The following PPM1L variants were observed in gnomAD, a reference collection of about 807,000 sequenced individuals.
PPM1L encodes the protein protein phosphatase 1L.
PPM1L carries 13 observed loss-of-function variants against 31.4 expected under a neutral mutation model. The observed-to-expected ratio is 0.41, with a 90% CI of 0.27 to 0.66. The LOEUF is 0.66. PPM1L is among the 30% of genes least tolerant of loss of function. The probability of loss-of-function intolerance (pLI) is 0.29; values close to 1 mark genes in which losing one functional copy is unlikely to be tolerated. For synonymous variants in PPM1L, 184 were observed against 175.4 expected, an observed-to-expected ratio of 1.05 and a Z score of -0.39; for missense variants, 326 against 453.7, an observed-to-expected ratio of 0.72 and a Z score of 2.56.
At chr3:160,922,798 C>T (rs1714459359) in intron 1 of PPM1L, among the ~76,000 whole-genome samples, 1 of 152,082 alleles carries the variant, frequency 6.6e-6, no homozygotes. Flanking sequence ...TTTTAAGGAA[C>T]CATCTATATG....
intron 1 of PPM1L, among the ~76,000 whole-genome samples, chr3:160,862,365 T>C (rs1161060592): frequency 6.6e-6 from 1 of 152,128 alleles, no homozygotes; most frequent in African/African-American, 2.4e-5. Context: ...GCTGTGCACA[T>C]TAGTCCCTTT....
chr3:160,793,268 C>T (rs1560108483), intron 1 of PPM1L, among the ~76,000 whole-genome samples: 2 of 152,110 alleles, frequency 1.3e-5, no homozygotes, highest in South Asian at 2.1e-4. Flanking sequence ...TGATTTAAAA[C>T]TTATATATTA....
intron 1 of PPM1L, among the ~76,000 whole-genome samples, chr3:160,768,643 C>T (rs1038624801): frequency 2.6e-5 from 4 of 152,094 alleles, no homozygotes; most frequent in Non-Finnish European, 5.9e-5. Flanking sequence ...TGTCCTCTTA[C>T]AGATCGGTTG....
chr3:160,977,983 T>C (rs188730796), intron 2 of PPM1L, among the ~76,000 whole-genome samples: 1 of 152,258 alleles, frequency 6.6e-6, no homozygotes, highest in East Asian at 1.9e-4. Context: ...TCCTCAAATG[T>C]AGAGCCTGAA....
Position 161,078,645 on chromosome 3 carries a change from T to C in PPM1L, c.*9488T>C, listed in dbSNP as rs1198319861. The C allele has an allele frequency of 1.3e-5, 2 of 152,224 alleles. No individual in the cohort carries two copies. The highest frequency in any genetic ancestry group is 2.4e-5 in the African/African-American group (1 of 41,456). 9.4% of individuals were successfully genotyped at this position (152,224 alleles called of 1,614,324 possible). ...ATCTGTATTTGTCTCTAAGAGACAT[T>C]TGAAACACAGTTACAATGTCAATTT... is the stretch of plus-strand genomic sequence containing the variant. On this transcript the variant is annotated 3_prime_UTR_variant, in exon 4 of 4. Transcript: ENST00000498165.
chr3:161,012,364 A>C (rs1445881443), intron 2 of PPM1L, among the ~76,000 whole-genome samples: 4 of 152,158 alleles, frequency 2.6e-5, no homozygotes, highest in Non-Finnish European at 4.4e-5. Context: ...CCCAGGGATG[A>C]AGCCCACTTG....
chr3:160,918,659 C>T (rs991465654), intron 1 of PPM1L, among the ~76,000 whole-genome samples: 4 of 152,040 alleles, frequency 2.6e-5, no homozygotes, highest in African/African-American at 9.7e-5. Flanking sequence ...ATTGAATATG[C>T]TATATTTCTA....
chr3:161,030,023 C>A (rs1246052446), intron 2 of PPM1L, among the ~76,000 whole-genome samples: 1 of 152,196 alleles, frequency 6.6e-6, no homozygotes, highest in African/African-American at 2.4e-5. Context: ...CTCATGCCTG[C>A]AGATACCGTG....
rs202070902 is a variant in PPM1L at position 160,835,039 on chromosome 3, A to T, written c.399+78332A>T. Among the ~76,000 whole-genome samples the T allele has an allele frequency of 9.4e-3, 1,233 of 131,802 alleles. 19 individuals are homozygous for T. The highest frequency in any genetic ancestry group is 0.025 in the African/African-American group (822 of 32,236). The allele number at this position is 131,802 out of a possible 152,430, so 86.5% of individuals were successfully genotyped here. A position where few individuals can be genotyped will look rare whatever the true frequency, so the allele number is the denominator to read the frequency against. On this transcript the variant is annotated intron_variant, in intron 1 of 3. Coordinates refer to ENST00000498165, the MANE Select transcript of PPM1L (RefSeq NM_139245.4). ...TACTACTACTACTATTACTACTACTACTTCTTCTTCTTCTTCTTCTTCTTC... is the reference window on the plus strand; with the variant it reads ...TACTACTACTACTATTACTACTACTTCTTCTTCTTCTTCTTCTTCTTCTTC...
In PPM1L at chr3:160,836,616, T is replaced by C. The variant is rs151089082; in HGVS notation, c.399+79909T>C. ...TTACTCATGGCGGAGCCAGCACTCA[T>C]CCCCCTCCCCCATCTAGGTCCCTGT... On this transcript the variant is annotated intron_variant, in intron 1 of 3. Coordinates refer to ENST00000498165, the MANE Select transcript of PPM1L (RefSeq NM_139245.4). 3.8e-4 allele frequency among the ~76,000 whole-genome samples: 58 copies of C among 152,314 alleles called. No homozygotes were observed. The East Asian group carries it at 9.5e-3, about 25-fold the overall frequency.
chr3:160,958,005 G>A (rs1715837014), intron 1 of PPM1L, among the ~76,000 whole-genome samples: 2 of 152,080 alleles, frequency 1.3e-5, no homozygotes, highest in African/African-American at 4.8e-5. Flanking sequence ...TTTTTATGGG[G>A]TTGTCTTTTT....
chr3:160,830,223 C>G (rs1183724946), intron 1 of PPM1L, among the ~76,000 whole-genome samples: 1 of 152,166 alleles, frequency 6.6e-6, no homozygotes, highest in African/African-American at 2.4e-5. Flanking sequence ...GGAATGCCAA[C>G]CCTGAACCAA....
At chr3:160,925,877 G>T (rs1576718701) in intron 1 of PPM1L, among the ~76,000 whole-genome samples, 1 of 152,184 alleles carries the variant, frequency 6.6e-6, no homozygotes, top group Non-Finnish European at 1.5e-5. Context: ...CTCTTATAGG[G>T]TGCTGACATT....
At chr3:161,012,770 T>C (rs546074618) in intron 2 of PPM1L, among the ~76,000 whole-genome samples, 36 of 152,352 alleles carry the variant, frequency 2.4e-4, no homozygotes, top group Middle Eastern at 6.8e-3. Flanking sequence ...TTGAGGAATT[T>C]ATCAATTTCT....
chr3:160,916,763 C>T (rs886499073), intron 1 of PPM1L, among the ~76,000 whole-genome samples: 5 of 151,784 alleles, frequency 3.3e-5, no homozygotes, highest in Admixed American at 2.6e-4. Flanking sequence ...CTTCTTATTC[C>T]ATTTCTAGGT....
At chr3:160,850,883 G>GT (rs1280416512) in intron 1 of PPM1L, among the ~76,000 whole-genome samples, 4 of 122,012 alleles carry the variant, frequency 3.3e-5, no homozygotes, top group South Asian at 2.7e-4. Context: ...TTTTTTTTTG[G>GT]TGGGGGGGGG....
intron 1 of PPM1L, among the ~76,000 whole-genome samples, chr3:160,844,413 G>T (rs988425408): frequency 6.6e-5 from 10 of 152,138 alleles, no homozygotes; most frequent in Non-Finnish European, 1.0e-4. Context: ...CTGAGCCTCG[G>T]CTTCTTCATC....
At chr3:161,044,346 G>GTATTTATT (rs66461506) in intron 2 of PPM1L, among the ~76,000 whole-genome samples, 9,462 of 143,252 alleles carry the variant, frequency 0.066, 466 homozygotes, top group African/African-American at 0.13. Context: ...GGCCTGCCCT[G>GTATTTATT]TATTTATTTA....
chr3:160,846,010 A>G (rs1484836169), intron 1 of PPM1L, among the ~76,000 whole-genome samples: 1 of 152,110 alleles, frequency 6.6e-6, no homozygotes, highest in Non-Finnish European at 1.5e-5. Context: ...TTGCAAAAAG[A>G]AGATAGTTTT....
Sources: gnomAD v4.1 joint callset for allele counts (sites outside exome capture counted in the v4.1 genomes callset) on GRCh38, gnomAD v4.1.1 for gene constraint, MANE v1.5 for transcripts, NCBI Gene and HGNC (gene_info 2026-07-23, HGNC 2026-07-21) for gene names.